Variants in CNOT4 observed in about 807,000 individuals in gnomAD.
CNOT4 encodes the protein CCR4-NOT transcription complex subunit 4, also known as CCR4-associated factor 4.
CNOT4 carries 8 observed loss-of-function variants against 73.8 expected under a neutral mutation model. The ratio of observed to expected loss-of-function variants is 0.11; its 90% CI spans 0.06 to 0.20. CNOT4 has a LOEUF of 0.20. Among genes scored for constraint, CNOT4 ranks in the 10% least tolerant of loss-of-function variants. The pLI is 1.00. For synonymous variants in CNOT4, 293 were observed against 321.1 expected, an observed-to-expected ratio of 0.91 and a Z score of 0.94; for missense variants, 564 against 883.4, an observed-to-expected ratio of 0.64 and a Z score of 4.58.
At chr7:135,420,566 G>A (rs1469089981) in intron 3 of CNOT4, among the ~76,000 whole-genome samples, 1 of 109,126 alleles carries the variant, frequency 9.2e-6, no homozygotes. Context: ...GACAAAGTGA[G>A]ACCATGTCTC....
chr7:135,400,105 G>A (rs578199633), intron 7 of CNOT4, among the ~76,000 whole-genome samples: 1 of 152,114 alleles, frequency 6.6e-6, no homozygotes, highest in South Asian at 2.1e-4. Context: ...TACTCAGCAG[G>A]AGAAGAAAGG....
intron 1 of CNOT4, among the ~76,000 whole-genome samples, chr7:135,482,341 A>C (rs1802435560): frequency 6.6e-6 from 1 of 151,994 alleles, no homozygotes. Flanking sequence ...GGGTTGCTTG[A>C]GCCCAGTAGT....
chr7:135,478,811 C>T (rs528534712), intron 1 of CNOT4, among the ~76,000 whole-genome samples: 31 of 152,040 alleles, frequency 2.0e-4, no homozygotes, highest in Admixed American at 1.6e-3. Flanking sequence ...TCAAAAACAC[C>T]AAAAAATAAG....
At chr7:135,501,847 C>A (rs796082503) in intron 1 of CNOT4, among the ~76,000 whole-genome samples, 6 of 152,276 alleles carry the variant, frequency 3.9e-5, no homozygotes, top group African/African-American at 1.4e-4. Flanking sequence ...TCATTCTTTA[C>A]TGTGGTCTAA....
intron 2 of CNOT4, among the ~76,000 whole-genome samples, chr7:135,426,437 C>A (rs536030901): frequency 1.3e-5 from 2 of 151,506 alleles, no homozygotes; most frequent in African/African-American, 4.9e-5. Flanking sequence ...CCCATCTCTA[C>A]TAAAAATAAA....
chr7:135,388,209 CA>C (rs2129483152), intron 10 of CNOT4: 2 of 985,100 alleles, frequency 2.0e-6, no homozygotes, highest in African/African-American at 3.5e-5. Context: ...TGCAAAAGTG[CA>C]AAAGAGAGAG....
At chr7:135,458,447 A>C (rs1312600899) in intron 1 of CNOT4, among the ~76,000 whole-genome samples, 1 of 152,056 alleles carries the variant, frequency 6.6e-6, no homozygotes, top group Non-Finnish European at 1.5e-5. Flanking sequence ...TCTTAAAATA[A>C]GACAACAATA....
At chr7:135,406,729 A>G (rs1797309354) in intron 7 of CNOT4, among the ~76,000 whole-genome samples, 1 of 152,076 alleles carries the variant, frequency 6.6e-6, no homozygotes, top group Admixed American at 6.6e-5. Flanking sequence ...AAATGAGTTT[A>G]CTTGTTTTAT....
At chr7:135,449,986 G>T (rs1478166127) in intron 1 of CNOT4, among the ~76,000 whole-genome samples, 3 of 152,078 alleles carry the variant, frequency 2.0e-5, no homozygotes. Flanking sequence ...CTGAGGAATG[G>T]AAATACTGGA....
intron 1 of CNOT4, among the ~76,000 whole-genome samples, chr7:135,496,091 T>C (rs1252456700): frequency 6.6e-6 from 1 of 152,146 alleles, no homozygotes; most frequent in East Asian, 1.9e-4. Flanking sequence ...CTAAATAGTT[T>C]TTGTTTTTTT....
intron 7 of CNOT4, among the ~76,000 whole-genome samples, chr7:135,399,466 T>C (rs560338056): frequency 1.3e-5 from 2 of 152,118 alleles, no homozygotes; most frequent in Non-Finnish European, 2.9e-5. Context: ...AGAACCACCA[T>C]TGTATATGTG....
intron 1 of CNOT4, among the ~76,000 whole-genome samples, chr7:135,443,376 C>T (rs546680647): frequency 1.3e-5 from 2 of 151,086 alleles, no homozygotes; most frequent in East Asian, 3.9e-4. Context: ...AAAGCCTTTT[C>T]ATATACATGA....
chr7:135,454,065 A>G (rs1800369518), intron 1 of CNOT4, among the ~76,000 whole-genome samples: 1 of 149,896 alleles, frequency 6.7e-6, no homozygotes, highest in African/African-American at 2.4e-5. Flanking sequence ...AATAATAAAT[A>G]CTTTTAAGGG....
chr7:135,379,642 T>G (rs1795728308), intron 10 of CNOT4, among the ~76,000 whole-genome samples: 1 of 152,116 alleles, frequency 6.6e-6, no homozygotes, highest in African/African-American at 2.4e-5. Context: ...GAAACTAACA[T>G]TTTTAACAGA....
intron 1 of CNOT4, chr7:135,509,143 G>A (rs568584048): frequency 2.0e-5 from 3 of 152,282 alleles, no homozygotes; most frequent in East Asian, 1.9e-4. Context: ...TTCTGGAAGT[G>A]TATATTGAAA....
rs566477560 is a variant in CNOT4 at position 135,362,123 on chromosome 7, T to C, written c.*762A>G. On this transcript the variant is annotated 3_prime_UTR_variant, in exon 12 of 12. Coordinates refer to ENST00000541284, the MANE Select transcript of CNOT4 (RefSeq NM_001190850.2). ...AAGAAATGACTTACATTTCAGCTCT[T>C]ATATTATTAATAGGTATTAAATCTG... is the stretch of plus-strand genomic sequence containing the variant. The C allele has an allele frequency of 6.6e-6, 1 of 152,552 alleles. No individual in the cohort carries two copies. Among genetic ancestry groups the C allele is most frequent in the African/African-American group, 2.4e-5 (1 of 41,590 alleles). 9.4% of individuals were successfully genotyped at this position (152,552 alleles called of 1,614,324 possible). A position where few individuals can be genotyped will look rare whatever the true frequency, so the allele number is the denominator to read the frequency against.
At chr7:135,435,061 T>C (rs61016455) in intron 2 of CNOT4, among the ~76,000 whole-genome samples, 7,721 of 152,320 alleles carry the variant, frequency 0.051, 676 homozygotes, top group African/African-American at 0.18. Context: ...GTTTATTTTC[T>C]GTAATTGTAA....
In CNOT4 at chr7:135,470,263, A is replaced by T. The variant is rs556327227; in HGVS notation, c.-92-31840T>A. ...TCCCACCTCAGCCTCCTGAGTAGCT[A>T]GGACCCACGGGCACATAACCCCATG... is the stretch of plus-strand genomic sequence containing the variant. On this transcript the variant is annotated intron_variant, in intron 1 of 11. Transcript: ENST00000541284. Among the ~76,000 whole-genome samples the T allele has an allele frequency of 2.0e-5, 3 of 151,922 alleles. No individual in the cohort carries two copies. In the East Asian group the frequency reaches 5.8e-4, roughly 29 times the overall value.
Position 135,470,138 on chromosome 7 carries a change from G to C in CNOT4, c.-92-31715C>G, listed in dbSNP as rs149142029. On this transcript the variant is annotated intron_variant, in intron 1 of 11. Transcript: ENST00000541284. ...GTGCCGAGCCTGGTGTGTTTTTTTGGGGGGGGAGGCCAGGGTCTCACTTTG... is the reference window on the plus strand; with the variant it reads ...GTGCCGAGCCTGGTGTGTTTTTTTGCGGGGGGAGGCCAGGGTCTCACTTTG... Among the ~76,000 whole-genome samples, 36 of 149,824 alleles carry C rather than the reference G, an allele frequency of 2.4e-4. 1 individual carries two copies. Among genetic ancestry groups the C allele is most frequent in the Admixed American group, 8.0e-4 (12 of 14,954 alleles).
Sources: allele counts gnomAD v4.1 joint callset (sites outside exome capture counted in the v4.1 genomes callset), GRCh38; gene constraint gnomAD v4.1.1; transcripts MANE v1.5; gene names NCBI Gene and HGNC (gene_info 2026-07-23, HGNC 2026-07-21).